CEP128: variants seen among roughly 807,000 people sequenced by gnomAD.
The protein encoded by CEP128 is centrosomal protein 128.
In CEP128, 132 loss-of-function variants were observed where a neutral mutation model predicts 156.7. The observed-to-expected ratio is 0.84, with a 90% CI of 0.73 to 0.97. The LOEUF (loss-of-function observed/expected upper bound fraction) is 0.97, where lower values mean the gene tolerates loss of function less well. CEP128 is among the 50% of genes least tolerant of loss of function. The probability of loss-of-function intolerance (pLI) is 0.00; values close to 1 mark genes in which losing one functional copy is unlikely to be tolerated. For missense variants in CEP128, 1,252 were observed against 1,281.9 expected (o/e 0.98, Z 0.36); for synonymous variants, 469 against 448.9 (o/e 1.04, Z -0.57).
intron 8 of CEP128, among the ~76,000 whole-genome samples, chr14:80,863,423 A>G (rs1360277086): frequency 1.3e-5 from 2 of 152,230 alleles, no homozygotes; most frequent in Admixed American, 6.5e-5. Flanking sequence ...ATCAAAAACT[A>G]AAGTCAAACT....
At chr14:80,696,269 T>C (rs573457561) in intron 19 of CEP128, among the ~76,000 whole-genome samples, 4 of 152,208 alleles carry the variant, frequency 2.6e-5, no homozygotes, top group South Asian at 2.1e-4. Flanking sequence ...AAATAAATAA[T>C]AGACTAAAAC....
At chr14:80,773,511 A>G (rs1335863064) in intron 16 of CEP128, among the ~76,000 whole-genome samples, 1 of 152,186 alleles carries the variant, frequency 6.6e-6, no homozygotes, top group African/African-American at 2.4e-5. Flanking sequence ...AATTTTTTAA[A>G]TATATCTACT....
chr14:80,597,645 A>AG (rs1211828541), intron 19 of CEP128, among the ~76,000 whole-genome samples: 1 of 147,602 alleles, frequency 6.8e-6, no homozygotes, highest in African/African-American at 2.4e-5. Context: ...AAGAAAGAAA[A>AG]GAAAAAAAAA....
At chr14:80,735,041 G>A (rs1898463723) in intron 19 of CEP128, among the ~76,000 whole-genome samples, 1 of 151,982 alleles carries the variant, frequency 6.6e-6, no homozygotes, top group African/African-American at 2.4e-5. Context: ...TCAGAAAACT[G>A]AGAGCTAAAT....
rs146570375 is a variant in CEP128, at chr14:80,690,577, T to C, written c.2806+52498A>G. ...GAAATATAACAACAACAACAAAATC[T>C]ACATCATGCCATACAGCTGTGTGAC... is the stretch of plus-strand genomic sequence containing the variant. On this transcript the variant is annotated intron_variant, in intron 19 of 24. Coordinates refer to ENST00000555265, the MANE Select transcript of CEP128 (RefSeq NM_152446.5). Among the ~76,000 whole-genome samples the C allele has an allele frequency of 3.9e-4, 59 of 152,316 alleles. No individual in the cohort carries two copies. The South Asian group carries it at 5.8e-3, about 15-fold the overall frequency.
chr14:80,781,825 G>A (rs1001993049), intron 15 of CEP128, among the ~76,000 whole-genome samples: 1 of 152,132 alleles, frequency 6.6e-6, no homozygotes, highest in African/African-American at 2.4e-5. Flanking sequence ...ATGCATATCG[G>A]AATGTGAGAA....
chr14:80,564,996 T>G (rs866187613), intron 20 of CEP128, among the ~76,000 whole-genome samples: 26 of 151,452 alleles, frequency 1.7e-4, no homozygotes, highest in Admixed American at 1.2e-3. Context: ...GAGGTGGAGG[T>G]TGCAGTGAGT....
chr14:80,553,348 C>A (rs1261688733), intron 21 of CEP128, among the ~76,000 whole-genome samples: 1 of 152,142 alleles, frequency 6.6e-6, no homozygotes, highest in African/African-American at 2.4e-5. Flanking sequence ...ATTTTTGCAT[C>A]TGATATGAGA....
intron 2 of CEP128, among the ~76,000 whole-genome samples, chr14:80,932,948 C>T (rs375100434): frequency 8.5e-5 from 13 of 152,120 alleles, no homozygotes; most frequent in Admixed American, 5.9e-4. Context: ...AGGCGCTTCT[C>T]TTTCTGGTTC....
chr14:80,659,508 C>T (rs527942639), intron 19 of CEP128, among the ~76,000 whole-genome samples: 3 of 152,124 alleles, frequency 2.0e-5, no homozygotes, highest in Non-Finnish European at 4.4e-5. Flanking sequence ...TTAATGCCAT[C>T]ATTTATGGCT....
chr14:80,541,351 G>A (rs998288243), intron 21 of CEP128, among the ~76,000 whole-genome samples: 2 of 149,612 alleles, frequency 1.3e-5, no homozygotes, highest in African/African-American at 4.9e-5. Flanking sequence ...AAGTAGATAT[G>A]GGGTTCTTGG....
At chr14:80,619,942 TGG>T (rs1893408293) in intron 19 of CEP128, among the ~76,000 whole-genome samples, 1 of 151,614 alleles carries the variant, frequency 6.6e-6, no homozygotes, top group Admixed American at 6.6e-5. Context: ...CTAGCCAACG[TGG>T]TGAAACCCCA....
chr14:80,638,784 C>A (rs1894295859), intron 19 of CEP128, among the ~76,000 whole-genome samples: 1 of 152,132 alleles, frequency 6.6e-6, no homozygotes, highest in Non-Finnish European at 1.5e-5. Flanking sequence ...ACTAAGTAGT[C>A]TGAACACAGG....
chr14:80,926,562 C>A (rs1885157973), intron 2 of CEP128, among the ~76,000 whole-genome samples: 1 of 152,198 alleles, frequency 6.6e-6, no homozygotes. Flanking sequence ...CTTTGCCCAT[C>A]CACCTACTCT....
At chr14:80,541,056 T>C (rs1889734336) in intron 21 of CEP128, among the ~76,000 whole-genome samples, 1 of 152,160 alleles carries the variant, frequency 6.6e-6, no homozygotes, top group African/African-American at 2.4e-5. Context: ...GTAAAAAAGA[T>C]CATCAATAAG....
rs187511014 is a variant in CEP128, at chr14:80,538,798, G to A, written c.2881-7912C>T. Reference sequence around the variant, plus strand: ...TTACTTTCTTTCGTATGTCAGCTTAGTCATCACTTCCTCAGGGAAGGCTCC... The same window carrying A: ...TTACTTTCTTTCGTATGTCAGCTTAATCATCACTTCCTCAGGGAAGGCTCC... On this transcript the variant is annotated intron_variant, in intron 21 of 24. Coordinates refer to ENST00000555265, the MANE Select transcript of CEP128 (RefSeq NM_152446.5). Among the ~76,000 whole-genome samples, 173 of 152,264 alleles carry A rather than the reference G, an allele frequency of 1.1e-3. 1 individual carries two copies. The highest frequency in any genetic ancestry group is 3.4e-3 in the Middle Eastern group (1 of 294).
At chr14:80,490,546 AG>A (rs1186637878) in exon 7 of CEP128, 1 of 152,228 alleles carries the variant, frequency 6.6e-6, no homozygotes, top group Non-Finnish European at 1.5e-5. Context: ...ACTATACTAT[AG>A]GCCCTGATTT....
intron 19 of CEP128, among the ~76,000 whole-genome samples, chr14:80,700,089 G>A (rs889096181): frequency 4.3e-4 from 65 of 152,204 alleles, no homozygotes; most frequent in African/African-American, 1.3e-3. Flanking sequence ...TTGGGTATAC[G>A]TGGCTTTATC....
chr14:80,920,866 C>T (rs900831355), intron 2 of CEP128, among the ~76,000 whole-genome samples: 2 of 152,146 alleles, frequency 1.3e-5, no homozygotes, highest in Non-Finnish European at 2.9e-5. Flanking sequence ...TGGATGTCAG[C>T]AGGTAATAAG....
Sources: allele counts gnomAD v4.1 joint callset (sites outside exome capture counted in the v4.1 genomes callset), GRCh38; gene constraint gnomAD v4.1.1; transcripts MANE v1.5; gene names NCBI Gene and HGNC (gene_info 2026-07-23, HGNC 2026-07-21).